Variants in FUT8 observed in about 807,000 individuals in gnomAD.
FUT8 encodes fucosyltransferase 8.
A neutral mutation model predicts 71.3 loss-of-function variants in FUT8; 29 were observed. The observed-to-expected ratio is 0.41, with a 90% CI of 0.30 to 0.55. FUT8 has a LOEUF of 0.55. FUT8 is among the 20% of genes least tolerant of loss of function. The pLI is 0.34. For synonymous variants in FUT8, 254 were observed against 239.3 expected (o/e 1.06, Z -0.57); for missense variants, 544 against 702.1 (o/e 0.77, Z 2.55).
intron 1 of FUT8, among the ~76,000 whole-genome samples, chr14:65,427,155 C>T (rs1247271775): frequency 6.6e-6 from 1 of 152,152 alleles, no homozygotes; most frequent in Non-Finnish European, 1.5e-5. Context: ...AACCACCGCG[C>T]CTGGCCTACA....
chr14:65,619,984 T>A (rs1258486564), intron 5 of FUT8, among the ~76,000 whole-genome samples: 37 of 152,204 alleles, frequency 2.4e-4, no homozygotes, highest in Admixed American at 2.4e-3. Flanking sequence ...CCTCAACCTC[T>A]AAGCATATCA....
intron 6 of FUT8, among the ~76,000 whole-genome samples, chr14:65,644,839 G>T (rs960936002): frequency 2.6e-5 from 4 of 151,992 alleles, no homozygotes; most frequent in Non-Finnish European, 4.4e-5. Context: ...TATTAACATG[G>T]ATAACTCATA....
intron 7 of FUT8, among the ~76,000 whole-genome samples, chr14:65,699,145 TACACACAC>T (rs60092488): frequency 0.13 from 16,786 of 131,984 alleles, 1,273 homozygotes; most frequent in Admixed American, 0.2. Flanking sequence ...CCCTCCCTTC[TACACACAC>T]ACACACACAC....
intron 1 of FUT8, among the ~76,000 whole-genome samples, chr14:65,445,049 C>CA (rs2065718333): frequency 2.0e-5 from 3 of 151,726 alleles, no homozygotes; most frequent in African/African-American, 4.8e-5. Context: ...ACTAAAAATA[C>CA]AAAAAAAATT....
chr14:65,405,988 TA>T (rs549866599), upstream of FUT8, among the ~76,000 whole-genome samples: 8 of 152,312 alleles, frequency 5.3e-5, no homozygotes, highest in East Asian at 1.5e-3. Flanking sequence ...GCCATCATAA[TA>T]AAAATGTGGG....
chr14:65,429,738 C>T (rs1319394936), intron 1 of FUT8, among the ~76,000 whole-genome samples: 1 of 151,590 alleles, frequency 6.6e-6, no homozygotes, highest in Non-Finnish European at 1.5e-5. Flanking sequence ...TGGTGTGTGC[C>T]TGTAGGCCCA....
chr14:65,439,717 A>G (rs2065612912), intron 1 of FUT8, among the ~76,000 whole-genome samples: 1 of 151,888 alleles, frequency 6.6e-6, no homozygotes, highest in Middle Eastern at 3.2e-3. Context: ...TTAAAGGAAA[A>G]TAAATGCTCC....
the FUT8 span, among the ~76,000 whole-genome samples, chr14:65,399,376 T>A: frequency 6.6e-6 from 1 of 152,206 alleles, no homozygotes; most frequent in South Asian, 2.1e-4. Flanking sequence ...AACAGACCAC[T>A]GACCAATGAG....
intron 3 of FUT8, among the ~76,000 whole-genome samples, chr14:65,575,641 C>A (rs1402456779): frequency 7.0e-6 from 1 of 142,968 alleles, no homozygotes; most frequent in Non-Finnish European, 1.5e-5. Flanking sequence ...TTTTTTCCCC[C>A]ACACTCTTGC....
intron 7 of FUT8, among the ~76,000 whole-genome samples, chr14:65,687,530 A>AGG (rs1175028691): frequency 3.3e-5 from 5 of 152,218 alleles, no homozygotes; most frequent in Non-Finnish European, 7.3e-5. Flanking sequence ...AGTACAGAAA[A>AGG]TCCAAAAATA....
upstream of FUT8, chr14:65,412,032 C>G (rs918090839): frequency 4.4e-6 from 2 of 456,620 alleles, no homozygotes; most frequent in African/African-American, 2.0e-5. Flanking sequence ...CCCCTCTCCC[C>G]GTGCTGTTCT....
At chr14:65,395,587 C>A in the FUT8 span, among the ~76,000 whole-genome samples, 1 of 152,264 alleles carries the variant, frequency 6.6e-6, no homozygotes, top group Non-Finnish European at 1.5e-5. Flanking sequence ...TTAACCATAG[C>A]TAGAGTGGCT....
intron 3 of FUT8, among the ~76,000 whole-genome samples, chr14:65,583,687 G>T (rs975571446): frequency 6.6e-6 from 1 of 151,114 alleles, no homozygotes. Context: ...AATTAATTTA[G>T]CATCTATAGT....
chr14:65,580,187 A>G lies in FUT8; in HGVS notation c.203+18421A>G, dbSNP rs75298759. ...ACATCATAGAGTATACTTACATCAT[A>G]GAGTGTAGTAGGCTAGTGTGTACTA... On this transcript the variant is annotated intron_variant, in intron 3 of 10. Transcript: ENST00000673929. Among the ~76,000 whole-genome samples, 860 of 151,234 alleles carry G rather than the reference A, an allele frequency of 5.7e-3. 31 individuals are homozygous for G. The East Asian group carries it at 0.093, about 16-fold the overall frequency.
chr14:65,549,703 G>GT (rs1330620443), intron 2 of FUT8, among the ~76,000 whole-genome samples: 3 of 152,118 alleles, frequency 2.0e-5, no homozygotes, highest in East Asian at 3.8e-4. Flanking sequence ...CATTTGAACG[G>GT]TTTTTTGTTC....
intron 10 of FUT8, among the ~76,000 whole-genome samples, chr14:65,733,758 C>T (rs536179480): frequency 1.4e-4 from 21 of 152,278 alleles, no homozygotes; most frequent in South Asian, 1.0e-3. Context: ...TACACATCAT[C>T]GCACTGATAC....
intron 7 of FUT8, among the ~76,000 whole-genome samples, chr14:65,681,135 T>C (rs1158529961): frequency 1.3e-5 from 2 of 152,228 alleles, no homozygotes; most frequent in Non-Finnish European, 2.9e-5. Flanking sequence ...TCTTTGAGTA[T>C]ACTGTGAGTT....
intron 3 of FUT8, among the ~76,000 whole-genome samples, chr14:65,583,873 A>G (rs1384150041): frequency 6.6e-6 from 1 of 152,108 alleles, no homozygotes; most frequent in Non-Finnish European, 1.5e-5. Context: ...TTAGCCAGCT[A>G]AGAGTCTTTG....
At chr14:65,702,288 T>C (rs1894338318) in intron 7 of FUT8, among the ~76,000 whole-genome samples, 1 of 145,486 alleles carries the variant, frequency 6.9e-6, no homozygotes. Flanking sequence ...GAGGTTGCTG[T>C]GAGCTGAGAT....
Sources: allele counts gnomAD v4.1 joint callset (sites outside exome capture counted in the v4.1 genomes callset), GRCh38; gene constraint gnomAD v4.1.1; transcripts MANE v1.5; gene names NCBI Gene and HGNC (gene_info 2026-07-23, HGNC 2026-07-21).